The following GRID2 variants were observed in gnomAD, a reference collection of about 807,000 sequenced individuals.
GRID2 encodes the protein glutamate receptor ionotropic, delta-2.
In GRID2, 33 loss-of-function variants were observed where a neutral mutation model predicts 114.8. That is an observed-to-expected ratio of 0.29 (90% CI 0.22 to 0.38). The LOEUF (loss-of-function observed/expected upper bound fraction) is 0.38, where lower values mean the gene tolerates loss of function less well. GRID2 is among the 10% of genes least tolerant of loss of function. GRID2 has a pLI of 1.00. For synonymous variants in GRID2, 505 were observed against 449.9 expected (o/e 1.12, Z -1.55); for missense variants, 1,184 against 1,257.7 (o/e 0.94, Z 0.89).
intron 13 of GRID2, among the ~76,000 whole-genome samples, chr4:93,566,150 G>T (rs1232973215): frequency 6.6e-6 from 1 of 152,072 alleles, no homozygotes; most frequent in Non-Finnish European, 1.5e-5. Context: ...TTTAGAGAAT[G>T]GAAAAGCAAA....
intron 14 of GRID2, among the ~76,000 whole-genome samples, chr4:93,758,286 C>G (rs1228735175): frequency 6.6e-6 from 1 of 152,122 alleles, no homozygotes; most frequent in Non-Finnish European, 1.5e-5. Context: ...CACAGTTGTA[C>G]TATTGTTGAT....
chr4:92,442,306 C>G (rs145271033), intron 1 of GRID2, among the ~76,000 whole-genome samples: 3,719 of 151,912 alleles, frequency 0.024, 52 homozygotes, highest in Middle Eastern at 0.058. Context: ...GAGAGTGGCT[C>G]CCAGGTGAGT....
At chr4:93,232,139 T>C (rs1463169700) in intron 7 of GRID2, among the ~76,000 whole-genome samples, 1 of 152,126 alleles carries the variant, frequency 6.6e-6, no homozygotes. Context: ...AAAATTATTT[T>C]GTGGGTAAAT....
At chr4:93,215,160 A>G (rs192188404) in intron 5 of GRID2, among the ~76,000 whole-genome samples, 323 of 152,146 alleles carry the variant, frequency 2.1e-3, no homozygotes, top group African/African-American at 7.4e-3. Flanking sequence ...GTAGTTCATT[A>G]TGAGTGGTGT....
At chr4:92,846,337 G>T (rs1743321595) in intron 2 of GRID2, among the ~76,000 whole-genome samples, 1 of 151,824 alleles carries the variant, frequency 6.6e-6, no homozygotes, top group African/African-American at 2.4e-5. Context: ...CCTCCCTCTG[G>T]CAGTCCCCAG....
intron 1 of GRID2, among the ~76,000 whole-genome samples, chr4:92,389,858 G>A (rs1434049758): frequency 1.3e-5 from 2 of 151,944 alleles, no homozygotes; most frequent in African/African-American, 4.8e-5. Flanking sequence ...TATTCTAAAG[G>A]TTCATTATTA....
At chr4:92,353,513 A>C (rs998462600) in intron 1 of GRID2, among the ~76,000 whole-genome samples, 8 of 152,122 alleles carry the variant, frequency 5.3e-5, no homozygotes, top group Admixed American at 4.6e-4. Flanking sequence ...TGGAGTCTCT[A>C]ATCATTTGTC....
chr4:92,627,298 A>G lies in GRID2; in HGVS notation c.244+37012A>G, dbSNP rs189850480. Among the ~76,000 whole-genome samples, 56 of 152,234 alleles carry G rather than the reference A, an allele frequency of 3.7e-4. 1 individual carries two copies. The highest frequency in any genetic ancestry group is 1.7e-3 in the East Asian group (9 of 5,166). ...CCAATTTCATAGTAGACTTTAGCTT[A>G]CATTCTCTATTTTTAACTTAAATCT... On this transcript the variant is annotated intron_variant, in intron 2 of 15. Coordinates refer to ENST00000282020, the MANE Select transcript of GRID2 (RefSeq NM_001510.4).
chr4:92,935,287 C>T (rs1204984639), intron 2 of GRID2, among the ~76,000 whole-genome samples: 5 of 147,242 alleles, frequency 3.4e-5, no homozygotes, highest in African/African-American at 7.3e-5. Context: ...TGAAAAAAGG[C>T]TCACTATCAC....
intron 2 of GRID2, among the ~76,000 whole-genome samples, chr4:92,974,401 G>C (rs555044226): frequency 3.3e-5 from 5 of 151,938 alleles, no homozygotes; most frequent in African/African-American, 1.2e-4. Context: ...TCTTTATTGT[G>C]GCACTGTTCA....
At chr4:92,908,844 C>T (rs1348212495) in intron 2 of GRID2, among the ~76,000 whole-genome samples, 5 of 152,280 alleles carry the variant, frequency 3.3e-5, no homozygotes, top group Non-Finnish European at 1.5e-5. Flanking sequence ...TGGCTACCTG[C>T]ACTTTCCCTT....
chr4:93,673,262 A>G (rs758565023), intron 14 of GRID2, among the ~76,000 whole-genome samples: 3 of 152,224 alleles, frequency 2.0e-5, no homozygotes, highest in Non-Finnish European at 4.4e-5. Context: ...ATCAGGAAGC[A>G]CTTTATGTAT....
At chr4:93,392,202 G>T (rs1186870756) in intron 8 of GRID2, among the ~76,000 whole-genome samples, 5 of 151,990 alleles carry the variant, frequency 3.3e-5, no homozygotes, top group South Asian at 2.1e-4. Context: ...ATGAGATTTT[G>T]TGTGTGTGTT....
chr4:93,078,987 AAT>A (rs1383429145), intron 2 of GRID2, among the ~76,000 whole-genome samples: 1 of 149,758 alleles, frequency 6.7e-6, no homozygotes, highest in Non-Finnish European at 1.5e-5. Context: ...AATATCAAAA[AAT>A]ATGTGTTCCA....
intron 1 of GRID2, among the ~76,000 whole-genome samples, chr4:92,534,766 C>T (rs999816459): frequency 6.6e-6 from 1 of 152,108 alleles, no homozygotes; most frequent in Non-Finnish European, 1.5e-5. Context: ...GTATTTATCA[C>T]TGGCTTTGAT....
At chr4:92,760,060 T>C (rs1578154183) in intron 2 of GRID2, among the ~76,000 whole-genome samples, 1 of 150,828 alleles carries the variant, frequency 6.6e-6, no homozygotes, top group Non-Finnish European at 1.5e-5. Flanking sequence ...TCCAATATGG[T>C]GAAACCTCAT....
intron 11 of GRID2, among the ~76,000 whole-genome samples, chr4:93,456,481 G>A (rs1723208158): frequency 6.6e-6 from 1 of 152,128 alleles, no homozygotes. Context: ...ACTTTGATAT[G>A]TAATCTTTAC....
chr4:93,767,618 C>A (rs543947256), intron 14 of GRID2, among the ~76,000 whole-genome samples: 2 of 152,210 alleles, frequency 1.3e-5, no homozygotes, highest in East Asian at 3.9e-4. Flanking sequence ...TGAGACCAAC[C>A]CTCTACCAGA....
intron 2 of GRID2, among the ~76,000 whole-genome samples, chr4:92,886,192 C>G (rs1363383893): frequency 6.6e-6 from 1 of 152,072 alleles, no homozygotes; most frequent in Non-Finnish European, 1.5e-5. Context: ...GCAGCCAGAA[C>G]CAGCACAACA....
Sources: allele counts gnomAD v4.1 joint callset (sites outside exome capture counted in the v4.1 genomes callset), GRCh38; gene constraint gnomAD v4.1.1; transcripts MANE v1.5; gene names NCBI Gene and HGNC (gene_info 2026-07-23, HGNC 2026-07-21).